Variants in PRKN observed in about 807,000 individuals in gnomAD.
PRKN encodes the protein E3 ubiquitin-protein ligase parkin.
In PRKN, 56 loss-of-function variants were observed where a neutral mutation model predicts 59.5. The ratio of observed to expected loss-of-function variants is 0.94; its 90% CI spans 0.76 to 1.18. The LOEUF (loss-of-function observed/expected upper bound fraction) is 1.18. PRKN is among the 50% of genes most tolerant of loss of function. The pLI is 0.00. For synonymous variants in PRKN, 250 were observed against 222.1 expected (o/e 1.13, Z -1.12); for missense variants, 657 against 596.4 (o/e 1.10, Z -1.06).
At chr6:162,291,666 C>T (rs549476689) in intron 2 of PRKN, among the ~76,000 whole-genome samples, 12 of 152,198 alleles carry the variant, frequency 7.9e-5, no homozygotes, top group African/African-American at 2.6e-4. Flanking sequence ...GAGAATTTCC[C>T]GTAAAAAGAT....
chr6:162,701,887 C>CACACA (rs1584078183), intron 1 of PRKN, among the ~76,000 whole-genome samples: 3 of 99,134 alleles, frequency 3.0e-5, no homozygotes, highest in Admixed American at 1.1e-4. Flanking sequence ...ACACACACAC[C>CACACA]CCCCCGACAA....
At chr6:162,179,063 G>T (rs562314292) in intron 4 of PRKN, among the ~76,000 whole-genome samples, 1 of 151,958 alleles carries the variant, frequency 6.6e-6, no homozygotes, top group South Asian at 2.1e-4. Context: ...AATTTTTTTC[G>T]TAGAGACGGA....
intron 7 of PRKN, among the ~76,000 whole-genome samples, chr6:161,574,296 C>T (rs1220831971): frequency 6.6e-6 from 1 of 152,106 alleles, no homozygotes; most frequent in Admixed American, 6.5e-5. Context: ...AAAACGTTAG[C>T]GGAGGGGGCG....
rs1790259329 is a variant in PRKN, at chr6:161,462,305, A to AC, written c.1084-75429_1084-75428insG. On this transcript the variant is annotated intron_variant, in intron 9 of 11. Coordinates refer to ENST00000366898, the MANE Select transcript of PRKN (RefSeq NM_004562.3). This position sits in a 1 kb window ranked among gnomAD's most constrained non-coding sequence, Gnocchi z 4.5. Reference sequence around the variant, plus strand: ...GCATGCTTTTATTCTGAATCACCTGAACTTCCAGCTATCTGTGGTTTATAA... The same window carrying AC: ...GCATGCTTTTATTCTGAATCACCTGACACTTCCAGCTATCTGTGGTTTATAA... 1.3e-5 allele frequency among the ~76,000 whole-genome samples: 2 copies of AC among 152,204 alleles called. No individual in the cohort carries two copies. The highest frequency in any genetic ancestry group is 2.9e-5 in the Non-Finnish European group (2 of 68,038).
In PRKN at chr6:161,588,361, CA is replaced by C. The variant is rs1454083272; in HGVS notation, c.872-18946del. The stretch of plus-strand genomic sequence containing the variant: ...CGCCACTGCATTCCAGCCTGGGCAA[CA>C]AGAGCGAAACTCTGTCCCCTCGCCA... On this transcript the variant is annotated intron_variant, in intron 7 of 11. Transcript: ENST00000366898. This position sits in a 1 kb window ranked among gnomAD's most constrained non-coding sequence, Gnocchi z 5.0. Among the ~76,000 whole-genome samples, 3 of 146,496 alleles carry C rather than the reference CA, an allele frequency of 2.0e-5. No homozygotes were observed. Among genetic ancestry groups the C allele is most frequent in the Admixed American group, 6.8e-5 (1 of 14,736 alleles).
At chr6:161,903,719 A>T (rs1778022325) in intron 6 of PRKN, among the ~76,000 whole-genome samples, 1 of 151,790 alleles carries the variant, frequency 6.6e-6, no homozygotes, top group Admixed American at 6.6e-5. Flanking sequence ...AAACAGATAT[A>T]CCCACTTAAG....
chr6:161,975,618 G>A (rs1443888828), intron 5 of PRKN, among the ~76,000 whole-genome samples: 1 of 152,124 alleles, frequency 6.6e-6, no homozygotes, highest in Non-Finnish European at 1.5e-5. Flanking sequence ...ACTCGGGTGG[G>A]AGGGGGCACG....
At chr6:162,072,793 T>G (rs969554595) in intron 4 of PRKN, among the ~76,000 whole-genome samples, 4 of 152,200 alleles carry the variant, frequency 2.6e-5, no homozygotes, top group Non-Finnish European at 5.9e-5. Context: ...TGATATGTAA[T>G]GTGGAAATAA....
intron 6 of PRKN, among the ~76,000 whole-genome samples, chr6:161,875,437 C>T (rs1325614454): frequency 6.6e-6 from 1 of 151,878 alleles, no homozygotes; most frequent in Non-Finnish European, 1.5e-5. Flanking sequence ...ACGTTATCTG[C>T]CTGCCTCGGC....
At chr6:162,694,335 C>T (rs918166137) in intron 1 of PRKN, among the ~76,000 whole-genome samples, 2 of 149,592 alleles carry the variant, frequency 1.3e-5, no homozygotes, top group Admixed American at 6.6e-5. Context: ...TTCTCTCATT[C>T]TACATGGCAG....
chr6:162,272,736 G>A (rs1328423715), intron 2 of PRKN, among the ~76,000 whole-genome samples: 2 of 152,106 alleles, frequency 1.3e-5, no homozygotes, highest in Non-Finnish European at 2.9e-5. Flanking sequence ...GGTGGCTCAT[G>A]CTTGTAATCC....
At chr6:162,079,616 C>T (rs375095437) in intron 4 of PRKN, among the ~76,000 whole-genome samples, 23 of 152,170 alleles carry the variant, frequency 1.5e-4, no homozygotes, top group African/African-American at 5.5e-4. Flanking sequence ...ACAGTTTATG[C>T]TCCCTGGTCC....
intron 3 of PRKN, among the ~76,000 whole-genome samples, chr6:162,241,527 T>C (rs1778989776): frequency 1.3e-5 from 2 of 152,080 alleles, no homozygotes; most frequent in East Asian, 1.9e-4. Context: ...TTAAGACAAA[T>C]TATAATATCT....
At chr6:161,863,629 T>C (rs938275836) in intron 6 of PRKN, among the ~76,000 whole-genome samples, 5 of 152,264 alleles carry the variant, frequency 3.3e-5, no homozygotes, top group African/African-American at 9.6e-5. Context: ...ATCAGCACCA[T>C]ACACCTGGGC....
At chr6:162,525,486 C>T (rs547314396) in intron 1 of PRKN, among the ~76,000 whole-genome samples, 17 of 152,288 alleles carry the variant, frequency 1.1e-4, no homozygotes, top group African/African-American at 3.4e-4. Flanking sequence ...CCACCTGCCC[C>T]GTGAGGCGTG....
At chr6:161,595,370 AG>A (rs1781877665) in intron 7 of PRKN, among the ~76,000 whole-genome samples, 1 of 152,120 alleles carries the variant, frequency 6.6e-6, no homozygotes, top group Admixed American at 6.6e-5. Flanking sequence ...GAGGCAGGGG[AG>A]CTATGTTATT....
intron 4 of PRKN, among the ~76,000 whole-genome samples, chr6:162,176,075 CAATT>C (rs2128321293): frequency 6.6e-6 from 1 of 152,302 alleles, no homozygotes; most frequent in African/African-American, 2.4e-5. Context: ...CCTTCGCTCT[CAATT>C]AAATATTCAA....
intron 1 of PRKN, among the ~76,000 whole-genome samples, chr6:162,469,168 C>T (rs1791583364): frequency 6.6e-6 from 1 of 152,068 alleles, no homozygotes; most frequent in South Asian, 2.1e-4. Flanking sequence ...AGGAAGTAAT[C>T]AGCCTGTGCT....
rs539151460 is a variant in PRKN, at chr6:161,401,577, C to A, written c.1084-14700G>T. On this transcript the variant is annotated intron_variant, in intron 9 of 11. Transcript: ENST00000366898. This position sits in a 1 kb window ranked among gnomAD's most constrained non-coding sequence, Gnocchi z 4.4. ...GCAGTGAGCCGAGATTGTGCCACTG[C>A]ACTCCATCTTGGGCGACAAGAGCAA... 1.3e-5 allele frequency among the ~76,000 whole-genome samples: 2 copies of A among 152,108 alleles called. No homozygotes were observed. Among genetic ancestry groups the A allele is most frequent in the African/African-American group, 4.8e-5 (2 of 41,476 alleles).
Sources: gnomAD v4.1 joint callset for allele counts (sites outside exome capture counted in the v4.1 genomes callset) on GRCh38, gnomAD v4.1.1 for gene constraint, Gnocchi (gnomAD v3.1) non-coding constraint, MANE v1.5 for transcripts, NCBI Gene and HGNC (gene_info 2026-07-23, HGNC 2026-07-21) for gene names.